The following RASGRP2 variants were observed in gnomAD, a reference collection of about 807,000 sequenced individuals.
RASGRP2 encodes the protein RAS guanyl-releasing protein 2.
A neutral mutation model predicts 71.0 loss-of-function variants in RASGRP2; 44 were observed. The ratio of observed to expected loss-of-function variants is 0.62; its 90% confidence interval spans 0.49 to 0.80. RASGRP2 has a LOEUF of 0.80. Ranked by LOEUF, RASGRP2 falls within the 30% of genes least tolerant of loss-of-function variation. The pLI is 0.00. For synonymous variants in RASGRP2, 350 were observed against 330.7 expected (o/e 1.06, Z -0.63); for missense variants, 663 against 813.4 (o/e 0.82, Z 2.25).
chr11:64,738,194 C>T (rs941124001), intron 8 of RASGRP2, among the ~76,000 whole-genome samples: 1 of 152,118 alleles, frequency 6.6e-6, no homozygotes, highest in Admixed American at 6.5e-5. Context: ...ATAACACAAA[C>T]AACATTCCAT....
chr11:64,728,597 T>C (rs2057652430), intron 15 of RASGRP2, among the ~76,000 whole-genome samples: 1 of 151,878 alleles, frequency 6.6e-6, no homozygotes, highest in African/African-American at 2.4e-5. Context: ...CTGGCTAATT[T>C]TTTTTTTTTG....
intron 12 of RASGRP2, 113 bp downstream of exon 12, chr11:64,734,999 C>G: frequency 1.1e-6 from 1 of 891,588 alleles, no homozygotes. Context: ...TGGCAGCTTC[C>G]CAGGCCAAGA....
intron 12 of RASGRP2, among the ~76,000 whole-genome samples, chr11:64,733,557 A>C (rs1246531503): frequency 6.6e-6 from 1 of 152,078 alleles, no homozygotes; most frequent in African/African-American, 2.4e-5. Flanking sequence ...ATAAAAATCC[A>C]CCCACCAACC....
chr11:64,729,834 T>C, intron 13 of RASGRP2, 36 bp from the exon 14 acceptor site: 4 of 1,611,828 alleles, frequency 2.5e-6, no homozygotes, highest in Non-Finnish European at 3.4e-6. Flanking sequence ...GGAGGAGGGA[T>C]TTAGAGGTGA....
chr11:64,730,358 TGGG>T (rs2057726497), intron 12 of RASGRP2, among the ~76,000 whole-genome samples, 164 bp from the exon 13 acceptor site: 2 of 152,206 alleles, frequency 1.3e-5, no homozygotes, highest in South Asian at 4.1e-4. Context: ...CAGGCAGATG[TGGG>T]AAGTGCCGCT....
chr11:64,744,316 G>A, upstream of RASGRP2: 3 of 985,452 alleles, frequency 3.0e-6, no homozygotes, highest in Non-Finnish European at 3.6e-6. Flanking sequence ...AGGTACCCCG[G>A]CCCTACACAT....
intron 5 of RASGRP2, 166 bp from the exon 6 acceptor site, chr11:64,740,329 C>A: frequency 1.3e-6 from 1 of 782,036 alleles, no homozygotes; most frequent in Non-Finnish European, 2.2e-6. Context: ...TCTCCCCCGA[C>A]CCCGTCATGC....
At chr11:64,728,434 T>A (rs569644585) in intron 15 of RASGRP2, among the ~76,000 whole-genome samples, 5 of 152,100 alleles carry the variant, frequency 3.3e-5, no homozygotes, top group African/African-American at 9.6e-5. Context: ...ATTTTTTATT[T>A]TTTTTTTTTC....
Position 64,727,073 on chromosome 11 carries a change from C to A in RASGRP2, c.*65G>T. 1 of 451,908 alleles carries A rather than the reference C, an allele frequency of 2.2e-6. No homozygotes were observed. The highest frequency in any genetic ancestry group is 4.2e-6 in the Non-Finnish European group (1 of 236,996). The allele number at this position is 451,908 out of a possible 1,614,324, so 28.0% of individuals were successfully genotyped here. ...CCTCCTGCCCCGACACCCCCAGGCTCCCTGCTCTGGTTGAAGTATTTTCTC... is the reference window on the plus strand; with the variant it reads ...CCTCCTGCCCCGACACCCCCAGGCTACCTGCTCTGGTTGAAGTATTTTCTC... On this transcript the variant is annotated 3_prime_UTR_variant, in exon 17 of 17. Transcript: ENST00000394432.
rs984905099 is a variant in RASGRP2 at position 64,743,148 on chromosome 11, G to A, written c.-71-211C>T. The stretch of plus-strand genomic sequence containing the variant: ...GCAGAGAGGCTTCCGGCCCACCCTC[G>A]GAGTCGCGGGAAGGCCGAGGGGCTT... On this transcript the variant is annotated intron_variant, in intron 1 of 16. Transcript: ENST00000394432. This position sits in a 1 kb window ranked among gnomAD's most constrained non-coding sequence, Gnocchi z 4.9. 9.3e-6 allele frequency: 6 copies of A among 643,722 alleles called. No homozygotes were observed. The highest frequency in any genetic ancestry group is 2.1e-5 in the Admixed American group (1 of 47,698). The allele number at this position is 643,722 out of a possible 1,614,324, so 39.9% of individuals were successfully genotyped here.
rs2003293 is a variant in RASGRP2, at chr11:64,729,525, C to T, written c.1591+237G>A. On this transcript the variant is annotated intron_variant, in intron 14 of 16. Coordinates refer to ENST00000394432, the MANE Select transcript of RASGRP2 (RefSeq NM_001098671.2). ...CTACTTTTTGTATTTTTAGTAGAGG[C>T]GGGGTTGCGCTATGTTGGTCAGGCT... Among the ~76,000 whole-genome samples, 23,472 of 151,810 alleles carry T rather than the reference C, an allele frequency of 0.15. 2,205 individuals carry two copies. The highest frequency in any genetic ancestry group is 0.35 in the East Asian group (1,798 of 5,146).
rs781500865 is a variant in RASGRP2 at position 64,730,084 on chromosome 11, C to T, written c.1523G>A (p.Arg508His). The change falls in exon 13 of 17, where the codon CGC (arginine) becomes CAC (histidine). Residue 508 changes from arginine to histidine, a missense_variant. Transcript: ENST00000394432. Reference protein sequence around the residue: ...VHNFQESNSLRPVACRHCKAL... With the variant: ...VHNFQESNSLHPVACRHCKAL... ...TTTGCAGTGGCGGCAGGCGACGGGG[C>T]GCAAGGAGTTGCTCTCCTGGAAGTT... 21 of 1,549,854 alleles carry T rather than the reference C, an allele frequency of 1.4e-5. No homozygotes were observed. Among genetic ancestry groups the T allele is most frequent in the Non-Finnish European group, 1.7e-5 (20 of 1,147,314 alleles).
intron 15 of RASGRP2, 47 bp from the exon 16 acceptor site, chr11:64,727,407 A>T: frequency 6.3e-7 from 1 of 1,584,434 alleles, no homozygotes; most frequent in Non-Finnish European, 8.7e-7. Context: ...GGTCCCTGGG[A>T]CTTCATCAAC....
Position 64,735,421 on chromosome 11 carries a change from C to A in RASGRP2, c.1296+121G>T. On this transcript the variant is annotated intron_variant, in intron 11 of 16. Coordinates refer to ENST00000394432, the MANE Select transcript of RASGRP2 (RefSeq NM_001098671.2). The surrounding 1 kb of genome is among the most constrained non-coding windows in gnomAD (Gnocchi z 4.2). ...AGCCCCGTGCAGCTGGCCTGCCAGG[C>A]CCTGTGACTCCTAGGGGCTGAGTGC... is the stretch of plus-strand genomic sequence containing the variant. 6.4e-7 allele frequency: 1 copy of A among 1,562,088 alleles called. No homozygotes were observed. The highest frequency in any genetic ancestry group is 2.2e-5 in the East Asian group (1 of 44,644).
rs565882522 is a variant in RASGRP2 at position 64,742,172 on chromosome 11, C to T, written c.74-60G>A. On this transcript the variant is annotated intron_variant, in intron 2 of 16. Transcript: ENST00000394432. The surrounding 1 kb of genome is among the most constrained non-coding windows in gnomAD (Gnocchi z 4.7). Reference sequence around the variant, plus strand: ...TGGGTCCGCAGCTACCATGCCTCATCCTCACCCCGCAACCCGCCAGGTATC... The same window carrying T: ...TGGGTCCGCAGCTACCATGCCTCATTCTCACCCCGCAACCCGCCAGGTATC... The T allele has an allele frequency of 1.7e-5, 23 of 1,331,530 alleles. 1 individual carries two copies. The highest frequency in any genetic ancestry group is 7.5e-5 in the South Asian group (6 of 79,746). 82.5% of individuals were successfully genotyped at this position (1,331,530 alleles called of 1,614,324 possible).
At chr11:64,738,804 T>TA (rs1565513770) in intron 8 of RASGRP2, among the ~76,000 whole-genome samples, 3 of 151,600 alleles carry the variant, frequency 2.0e-5, no homozygotes, top group African/African-American at 4.8e-5. Context: ...TCAAAAATAA[T>TA]AAAAAATGAA....
Position 64,741,197 on chromosome 11 carries a change from G to C in RASGRP2, c.240-118C>G, listed in dbSNP as rs72927054. On this transcript the variant is annotated intron_variant, in intron 4 of 16. Transcript: ENST00000394432. ...AAAAGACCCTCAAACTATGGTTCCA[G>C]CTCTTTCCTTCGCCACTCCAAGTGT... 33,732 of 1,346,606 alleles carry C rather than the reference G, an allele frequency of 0.025. 569 individuals carry two copies. Among genetic ancestry groups the C allele is most frequent in the South Asian group, 0.038 (3,058 of 79,854 alleles). The allele number at this position is 1,346,606 out of a possible 1,614,324, so 83.4% of individuals were successfully genotyped here.
rs181901181 is a variant in RASGRP2 at position 64,740,941 on chromosome 11, C to A, written c.371+7G>T. 8.5e-4 allele frequency: 1,377 copies of A among 1,614,014 alleles called. 1 individual carries two copies. Among genetic ancestry groups the A allele is most frequent in the Non-Finnish European group, 1.1e-3 (1,267 of 1,179,994 alleles). On this transcript the variant is annotated splice_region_variant and intron_variant, in intron 5 of 16. Coordinates refer to ENST00000394432, the MANE Select transcript of RASGRP2 (RefSeq NM_001098671.2). The stretch of plus-strand genomic sequence containing the variant: ...CCCCCCCAGCCCTCTGTGCTCCCCC[C>A]ACGCACACGCTGTCTATGTCGATTA...
At position 64,742,042 on chromosome 11, in the gene RASGRP2, G is replaced by T. The variant is rs753789155; in HGVS notation, c.144C>A (p.Pro48=). Reference sequence around the variant, plus strand: ...GCAGCTTGGCCGCCAGCTGAGAGGAGGGGATGTACCAGGGGTGCATCATGA... The same window carrying T: ...GCAGCTTGGCCGCCAGCTGAGAGGATGGGATGTACCAGGGGTGCATCATGA... ...MFLMMHPWYI[P]SSQLAAKLLH... is the part of the protein sequence containing the mutation. The change falls in exon 3 of 17, where the codon CCC becomes CCA. Residue 48 remains proline, a synonymous_variant. Coordinates refer to ENST00000394432, the MANE Select transcript of RASGRP2 (RefSeq NM_001098671.2). The surrounding 1 kb of genome is among the most constrained non-coding windows in gnomAD (Gnocchi z 4.7). The T allele has an allele frequency of 6.2e-7, 1 of 1,611,992 alleles. No individual in the cohort carries two copies. Among genetic ancestry groups the T allele is most frequent in the Non-Finnish European group, 8.5e-7 (1 of 1,179,006 alleles).
Sources: allele counts gnomAD v4.1 joint callset (sites outside exome capture counted in the v4.1 genomes callset), GRCh38; gene constraint gnomAD v4.1.1; non-coding constraint Gnocchi (gnomAD v3.1); transcripts MANE v1.5; gene names NCBI Gene and HGNC (gene_info 2026-07-23, HGNC 2026-07-21).